RBFOX1: variants seen among roughly 807,000 people sequenced by gnomAD.
The protein encoded by RBFOX1 is RNA binding protein fox-1 homolog 1.
In RBFOX1, 8 loss-of-function variants were observed where a neutral mutation model predicts 57.7. That is an observed-to-expected ratio of 0.14 (90% CI 0.08 to 0.25). The LOEUF (loss-of-function observed/expected upper bound fraction) is 0.25. RBFOX1 is among the 10% of genes least tolerant of loss of function. The pLI is 1.00. For missense variants in RBFOX1, 611 were observed against 548.5 expected, an observed-to-expected ratio of 1.11 and a Z score of -1.14; for synonymous variants, 326 against 222.4, an observed-to-expected ratio of 1.47 and a Z score of -4.15.
At chr16:6,670,364 CCAGA>C (rs2098756704) in intron 3 of RBFOX1, among the ~76,000 whole-genome samples, 1 of 152,080 alleles carries the variant, frequency 6.6e-6, no homozygotes, top group African/African-American at 2.4e-5. Context: ...GCCACTGCTC[CCAGA>C]CAAACATATG....
intron 1 of RBFOX1, among the ~76,000 whole-genome samples, chr16:6,104,416 T>A (rs1027689971): frequency 3.9e-5 from 6 of 152,254 alleles, no homozygotes; most frequent in African/African-American, 1.4e-4. Flanking sequence ...AGTAGGTTTT[T>A]AAAATGGTTT....
intron 3 of RBFOX1, among the ~76,000 whole-genome samples, chr16:6,741,807 T>C (rs2072238345): frequency 6.6e-6 from 1 of 152,026 alleles, no homozygotes; most frequent in Non-Finnish European, 1.5e-5. Flanking sequence ...TATGAAGAAG[T>C]GAAATGGTGG....
At chr16:7,478,633 A>C (rs931953328) in intron 4 of RBFOX1, among the ~76,000 whole-genome samples, 1 of 152,134 alleles carries the variant, frequency 6.6e-6, no homozygotes, top group African/African-American at 2.4e-5. Context: ...AAATGATTCA[A>C]CTTATTTCAG....
Position 5,577,328 on chromosome 16 carries a change from G to T in RBFOX1, c.259-21574G>T, listed in dbSNP as rs944929939. On this transcript the variant is annotated intron_variant, in intron 2 of 2. Transcript: ENST00000585867. ...GTAGTGGGATCAAGCTCTTCCTTCA[G>T]TTTGTGGGTGTTAGGGAGGCATAGA... Among the ~76,000 whole-genome samples, 7 of 152,320 alleles carry T rather than the reference G, an allele frequency of 4.6e-5. No individual in the cohort carries two copies. In the South Asian group the frequency reaches 1.4e-3, roughly 32 times the overall value.
intron 1 of RBFOX1, among the ~76,000 whole-genome samples, chr16:5,435,318 C>T (rs1170291372): frequency 6.6e-6 from 1 of 152,122 alleles, no homozygotes; most frequent in Non-Finnish European, 1.5e-5. Context: ...CCCACCAGAC[C>T]TCCCTTCTGA....
chr16:5,658,970 G>A (rs2049555720), intron 3 of RBFOX1, among the ~76,000 whole-genome samples: 1 of 151,788 alleles, frequency 6.6e-6, no homozygotes, highest in African/African-American at 2.4e-5. Flanking sequence ...AAATTGCGAT[G>A]CTATAAACAT....
intron 4 of RBFOX1, among the ~76,000 whole-genome samples, chr16:7,434,736 A>ATTTTTTT (rs71147698): frequency 6.8e-6 from 1 of 148,002 alleles, no homozygotes. Context: ...TCTTGTTAAC[A>ATTTTTTT]TTTTTTTTTT....
chr16:6,021,562 C>T (rs2095077996), intron 1 of RBFOX1, among the ~76,000 whole-genome samples: 1 of 152,186 alleles, frequency 6.6e-6, no homozygotes. Flanking sequence ...CCTCTTTGAG[C>T]TCGTCAGGGA....
rs145386852 is a variant in RBFOX1, at chr16:7,596,917, G to A, written c.562-454G>A. 5.9e-5 allele frequency among the ~76,000 whole-genome samples: 9 copies of A among 152,292 alleles called. No individual in the cohort carries two copies. In the East Asian group the frequency reaches 1.7e-3, roughly 29 times the overall value. Reference sequence around the variant, plus strand: ...GATGGTTCTTTCCTCCTAAAGTGTTGCACACGGCTAAGACTTGTTTGTCCC... The same window carrying A: ...GATGGTTCTTTCCTCCTAAAGTGTTACACACGGCTAAGACTTGTTTGTCCC... On this transcript the variant is annotated intron_variant, in intron 8 of 15. Transcript: ENST00000550418.
intron 1 of RBFOX1, among the ~76,000 whole-genome samples, chr16:6,265,120 T>A (rs894490181): frequency 1.4e-4 from 22 of 152,182 alleles, no homozygotes; most frequent in African/African-American, 5.3e-4. Context: ...GAGACAGTTA[T>A]CTGGGGCTAT....
intron 3 of RBFOX1, among the ~76,000 whole-genome samples, chr16:6,948,825 T>C (rs1357887026): frequency 1.3e-5 from 2 of 152,096 alleles, no homozygotes; most frequent in African/African-American, 4.8e-5. Context: ...CCTAGAGAGA[T>C]GATTTGATTT....
intron 7 of RBFOX1, among the ~76,000 whole-genome samples, chr16:7,593,556 A>G (rs973521597): frequency 6.6e-6 from 1 of 152,238 alleles, no homozygotes; most frequent in Non-Finnish European, 1.5e-5. Flanking sequence ...GGGAAAGATT[A>G]TGGAAGGTAA....
intron 4 of RBFOX1, among the ~76,000 whole-genome samples, chr16:7,266,785 A>T (rs1237160884): frequency 6.6e-6 from 1 of 152,234 alleles, no homozygotes; most frequent in Non-Finnish European, 1.5e-5. Context: ...AAAAATAAGA[A>T]AACATGTACC....
chr16:6,327,731 A>T (rs146388444), intron 2 of RBFOX1, among the ~76,000 whole-genome samples: 3 of 152,306 alleles, frequency 2.0e-5, no homozygotes, highest in Non-Finnish European at 2.9e-5. Flanking sequence ...CAGAATACAT[A>T]GATTCTGGTG....
At chr16:5,438,426 G>A (rs1416997322) in intron 1 of RBFOX1, among the ~76,000 whole-genome samples, 4 of 152,196 alleles carry the variant, frequency 2.6e-5, no homozygotes, top group African/African-American at 7.2e-5. Context: ...CAGTGGACAA[G>A]TGTAATGTAT....
intron 2 of RBFOX1, among the ~76,000 whole-genome samples, chr16:5,582,547 CTTTTTTTTT>C (rs57853959): frequency 2.9e-3 from 267 of 92,868 alleles, no homozygotes; most frequent in African/African-American, 9.6e-3. Flanking sequence ...AAGCACGTCA[CTTTTTTTTT>C]TTTTTTTTTT....
intron 3 of RBFOX1, among the ~76,000 whole-genome samples, chr16:5,849,381 A>G (rs969279312): frequency 6.6e-6 from 1 of 152,022 alleles, no homozygotes; most frequent in Non-Finnish European, 1.5e-5. Context: ...CTGCTTCCTC[A>G]AGGTGTAGGA....
chr16:6,825,285 C>G (rs1381827444), intron 3 of RBFOX1, among the ~76,000 whole-genome samples: 1 of 150,998 alleles, frequency 6.6e-6, no homozygotes. Flanking sequence ...ACTCTAGATG[C>G]CAAAAATGTC....
At chr16:7,387,854 T>A (rs1367189860) in intron 4 of RBFOX1, among the ~76,000 whole-genome samples, 1 of 152,182 alleles carries the variant, frequency 6.6e-6, no homozygotes, top group African/African-American at 2.4e-5. Context: ...ATTCTTTGAT[T>A]ATTTTAATGT....
Sources: gnomAD v4.1 joint callset for allele counts (sites outside exome capture counted in the v4.1 genomes callset) on GRCh38, gnomAD v4.1.1 for gene constraint, MANE v1.5 for transcripts, NCBI Gene and HGNC (gene_info 2026-07-23, HGNC 2026-07-21) for gene names.